The following NCOA1 variants were observed in gnomAD, a reference collection of about 807,000 sequenced individuals.
NCOA1 encodes the protein nuclear receptor coactivator 1.
NCOA1 carries 35 observed loss-of-function variants against 150.9 expected under a neutral mutation model. The observed-to-expected ratio is 0.23, with a 90% CI of 0.18 to 0.31. NCOA1 has a LOEUF of 0.31. NCOA1 is among the 10% of genes least tolerant of loss of function. The pLI, the probability that NCOA1 is intolerant of heterozygous loss-of-function variation, is 1.00. For synonymous variants in NCOA1, 590 were observed against 630.0 expected (o/e 0.94, Z 0.95); for missense variants, 1,491 against 1,749.3 (o/e 0.85, Z 2.63).
chr2:24,540,631 A>T (rs1665351672), intron 1 of NCOA1, among the ~76,000 whole-genome samples: 2 of 151,600 alleles, frequency 1.3e-5, no homozygotes, highest in Admixed American at 6.6e-5. Flanking sequence ...GCTAATTTTT[A>T]TATTTTTAGT....
chr2:24,591,246 T>C (rs984078089), intron 3 of NCOA1, among the ~76,000 whole-genome samples: 1 of 152,154 alleles, frequency 6.6e-6, no homozygotes, highest in African/African-American at 2.4e-5. Flanking sequence ...GGACCAAGAA[T>C]TTAGAACTCT....
At chr2:24,611,404 C>T (rs562053095) in intron 3 of NCOA1, among the ~76,000 whole-genome samples, 24 of 152,134 alleles carry the variant, frequency 1.6e-4, no homozygotes, top group Non-Finnish European at 3.1e-4. Flanking sequence ...CTGCAGTGAA[C>T]GTAAGAGTAC....
chr2:24,658,759 G>C lies in NCOA1; in HGVS notation c.82G>C (p.Ala28Pro). 6.2e-7 allele frequency: 1 copy of C among 1,613,958 alleles called. No homozygotes were observed. The highest frequency in any genetic ancestry group is 1.7e-5 in the Admixed American group (1 of 60,004). The change falls in exon 5 of 23, where the codon GCA becomes CCA. Residue 28 changes from alanine (A) to proline (P), a missense_variant. This residue lies in a region of NCOA1 where 40 missense variants were observed against 39.6 expected (regional missense o/e 1.01). Coordinates refer to ENST00000348332, the MANE Select transcript of NCOA1 (RefSeq NM_003743.5). ...GAAAGGATCGCCATGTGACACACTG[G>C]CATCAAGGTAGGAACACTCCTCTTA... ...KRKGSPCDTL[A>P]SSTEKRRREQ... is the part of the protein sequence containing the mutation.
intron 3 of NCOA1, among the ~76,000 whole-genome samples, chr2:24,640,219 A>G (rs1558864684): frequency 6.6e-6 from 1 of 151,722 alleles, no homozygotes; most frequent in Non-Finnish European, 1.5e-5. Context: ...CGTGTTATAT[A>G]AAAAATGGTT....
intron 5 of NCOA1, among the ~76,000 whole-genome samples, chr2:24,660,105 A>G (rs968639566): frequency 6.6e-6 from 1 of 152,220 alleles, no homozygotes; most frequent in African/African-American, 2.4e-5. Flanking sequence ...CTGAGTACTC[A>G]TAATCACAAG....
chr2:24,554,935 G>A (rs1332201125), intron 1 of NCOA1, among the ~76,000 whole-genome samples: 2 of 152,138 alleles, frequency 1.3e-5, no homozygotes, highest in African/African-American at 4.8e-5. Flanking sequence ...TATCCCAGAC[G>A]AGGTTCCCAA....
chr2:24,650,637 T>TA (rs756106255), intron 4 of NCOA1, among the ~76,000 whole-genome samples: 2 of 152,030 alleles, frequency 1.3e-5, no homozygotes, highest in Non-Finnish European at 2.9e-5. Flanking sequence ...ATAACCCAGA[T>TA]AAAGATCAGG....
chr2:24,589,064 T>C (rs1667535808), intron 3 of NCOA1, among the ~76,000 whole-genome samples: 1 of 152,176 alleles, frequency 6.6e-6, no homozygotes, highest in Non-Finnish European at 1.5e-5. Context: ...ATTCAAATAT[T>C]ATCTCTTTCC....
intron 2 of NCOA1, among the ~76,000 whole-genome samples, chr2:24,571,448 C>G (rs1666741382): frequency 6.6e-6 from 1 of 152,146 alleles, no homozygotes; most frequent in Non-Finnish European, 1.5e-5. Flanking sequence ...CTTCTCAGCA[C>G]TTTATACATA....
At chr2:24,665,703 T>G (rs758807894) in intron 5 of NCOA1, 46 bp from the exon 6 acceptor site, 1 of 1,386,596 alleles carries the variant, frequency 7.2e-7, no homozygotes, top group South Asian at 1.8e-5. Flanking sequence ...GAGAAGGAAA[T>G]ATGGTGATAC....
intron 3 of NCOA1, among the ~76,000 whole-genome samples, chr2:24,595,981 G>A (rs1667868985): frequency 6.6e-6 from 1 of 152,102 alleles, no homozygotes; most frequent in Non-Finnish European, 1.5e-5. Flanking sequence ...CTGTGTTGAG[G>A]TAGACTTTCA....
At chr2:24,610,277 C>G (rs1438878167) in intron 3 of NCOA1, among the ~76,000 whole-genome samples, 1 of 151,828 alleles carries the variant, frequency 6.6e-6, no homozygotes, top group Non-Finnish European at 1.5e-5. Flanking sequence ...GCACTTGCCA[C>G]CACGCCCAGC....
At chr2:24,499,074 T>C (rs1002851636) in intron 1 of NCOA1, among the ~76,000 whole-genome samples, 1 of 152,226 alleles carries the variant, frequency 6.6e-6, no homozygotes, top group Non-Finnish European at 1.5e-5. Context: ...ATATGAGATA[T>C]GCATATTGCA....
chr2:24,519,507 T>C (rs1264986461), intron 1 of NCOA1, among the ~76,000 whole-genome samples: 2 of 152,192 alleles, frequency 1.3e-5, no homozygotes, highest in Middle Eastern at 6.8e-3. Flanking sequence ...GTATATGACT[T>C]ATCTCACTGT....
At chr2:24,605,800 T>C (rs1413421319) in intron 3 of NCOA1, among the ~76,000 whole-genome samples, 1 of 152,206 alleles carries the variant, frequency 6.6e-6, no homozygotes, top group Non-Finnish European at 1.5e-5. Context: ...AGAAGTAATC[T>C]ATGCCACTTT....
intron 5 of NCOA1, among the ~76,000 whole-genome samples, chr2:24,664,593 A>C (rs1462442151): frequency 6.6e-6 from 1 of 152,084 alleles, no homozygotes; most frequent in Non-Finnish European, 1.5e-5. Flanking sequence ...CTGTAGTCCC[A>C]GCTACTTGGG....
chr2:24,550,394 G>A (rs986900778), intron 1 of NCOA1, among the ~76,000 whole-genome samples: 1 of 152,204 alleles, frequency 6.6e-6, no homozygotes, highest in Non-Finnish European at 1.5e-5. Flanking sequence ...CGTGGCTGGG[G>A]AGACCTCACA....
At chr2:24,494,357 T>G (rs57915383) in intron 1 of NCOA1, among the ~76,000 whole-genome samples, 3,496 of 152,312 alleles carry the variant, frequency 0.023, 143 homozygotes, top group African/African-American at 0.078. Flanking sequence ...TTCCGTACTT[T>G]AGTTTGTCTT....
At chr2:24,511,448 C>T (rs1159251744) in intron 1 of NCOA1, among the ~76,000 whole-genome samples, 1 of 152,178 alleles carries the variant, frequency 6.6e-6, no homozygotes, top group Admixed American at 6.5e-5. Flanking sequence ...TGGCATCTCA[C>T]TATAATTGTT....
Sources: allele counts gnomAD v4.1 joint callset (sites outside exome capture counted in the v4.1 genomes callset), GRCh38; gene constraint gnomAD v4.1.1; regional missense constraint gnomAD v4.1.1; transcripts MANE v1.5; gene names NCBI Gene and HGNC (gene_info 2026-07-23, HGNC 2026-07-21).